The following HPSE2 variants were observed in gnomAD, a reference collection of about 807,000 sequenced individuals.
HPSE2 encodes heparanase 2 (inactive).
A neutral mutation model predicts 60.5 loss-of-function variants in HPSE2; 38 were observed. That is an observed-to-expected ratio of 0.63 (90% confidence interval 0.48 to 0.82). The LOEUF (loss-of-function observed/expected upper bound fraction) is 0.82. Among genes scored for constraint, HPSE2 ranks in the 40% least tolerant of loss-of-function variants. The pLI is 0.00. For synonymous variants in HPSE2, 295 were observed against 293.2 expected, an observed-to-expected ratio of 1.01 and a Z score of -0.06; for missense variants, 713 against 740.4, an observed-to-expected ratio of 0.96 and a Z score of 0.43.
At chr10:98,616,987 G>A (rs1945929452) in intron 8 of HPSE2, among the ~76,000 whole-genome samples, 1 of 152,162 alleles carries the variant, frequency 6.6e-6, no homozygotes, top group African/African-American at 2.4e-5. Context: ...CTCCTAAGTA[G>A]TGTTCTTTCT....
At chr10:98,788,767 C>G (rs1282348443) in intron 3 of HPSE2, among the ~76,000 whole-genome samples, 1 of 151,572 alleles carries the variant, frequency 6.6e-6, no homozygotes, top group Admixed American at 6.6e-5. Context: ...ACCCCTTGCG[C>G]TTCCCAGGTG....
At chr10:99,252,750 G>T in the HPSE2 span, among the ~76,000 whole-genome samples, 1 of 151,902 alleles carries the variant, frequency 6.6e-6, no homozygotes, top group Non-Finnish European at 1.5e-5. Flanking sequence ...GGTGGCGGGC[G>T]CCTGTAGTCC....
At chr10:99,184,819 T>TATATATATATATATATATAG (rs1554912295) in intron 2 of HPSE2, among the ~76,000 whole-genome samples, 1 of 19,866 alleles carries the variant, frequency 5.0e-5, no homozygotes, top group African/African-American at 1.7e-4. Context: ...TATATATATA[T>TATATATATATATATATATAG]AGAGAGAGAG....
At chr10:98,878,755 G>A (rs948395093) in intron 3 of HPSE2, among the ~76,000 whole-genome samples, 14 of 151,844 alleles carry the variant, frequency 9.2e-5, no homozygotes, top group African/African-American at 2.9e-4. Flanking sequence ...ACAAGAGATC[G>A]AATCAATTTT....
intron 3 of HPSE2, among the ~76,000 whole-genome samples, chr10:98,984,018 C>A (rs1022890715): frequency 2.0e-5 from 3 of 152,202 alleles, no homozygotes; most frequent in African/African-American, 7.2e-5. Context: ...GTGGAGCCCA[C>A]GGCAGCTCAA....
At chr10:98,836,681 C>T (rs544704909) in intron 3 of HPSE2, among the ~76,000 whole-genome samples, 4 of 152,164 alleles carry the variant, frequency 2.6e-5, no homozygotes, top group African/African-American at 4.8e-5. Context: ...AAGCCTCAAC[C>T]TTGCTTTAAA....
At chr10:98,683,854 AG>A (rs2134143031) in intron 6 of HPSE2, among the ~76,000 whole-genome samples, 1 of 152,222 alleles carries the variant, frequency 6.6e-6, no homozygotes, top group East Asian at 1.9e-4. Context: ...GAATAAAAAG[AG>A]AGCCAAATAA....
chr10:98,633,430 C>T (rs537501), intron 7 of HPSE2, among the ~76,000 whole-genome samples: 48,549 of 151,794 alleles, frequency 0.32, 8,564 homozygotes, highest in East Asian at 0.44. Context: ...CCCAGGTTGG[C>T]CTCGAACTCC....
At chr10:98,971,418 T>G (rs78733416) in intron 3 of HPSE2, among the ~76,000 whole-genome samples, 19,530 of 152,168 alleles carry the variant, frequency 0.13, 1,353 homozygotes, top group South Asian at 0.21. Flanking sequence ...TTTAATTCTC[T>G]TTGTACCCAT....
chr10:98,556,537 A>G (rs1944013518), intron 9 of HPSE2, among the ~76,000 whole-genome samples: 1 of 152,232 alleles, frequency 6.6e-6, no homozygotes, highest in African/African-American at 2.4e-5. Flanking sequence ...ACCAACAACT[A>G]TGAAGAAAAT....
intron 5 of HPSE2, among the ~76,000 whole-genome samples, chr10:98,718,435 T>A (rs1325031203): frequency 6.6e-6 from 1 of 152,164 alleles, no homozygotes; most frequent in Non-Finnish European, 1.5e-5. Flanking sequence ...ATCCCACCTA[T>A]GGGTATGTAT....
At chr10:98,542,861 C>T (rs1337319901) in intron 9 of HPSE2, among the ~76,000 whole-genome samples, 1 of 152,136 alleles carries the variant, frequency 6.6e-6, no homozygotes, top group Non-Finnish European at 1.5e-5. Context: ...ATTGGTGTAC[C>T]TGAAAGTGAC....
At chr10:99,141,233 C>T (rs1031540067) in intron 3 of HPSE2, among the ~76,000 whole-genome samples, 8 of 152,136 alleles carry the variant, frequency 5.3e-5, no homozygotes. Context: ...AATAACAACA[C>T]TCTCCAGCTC....
intron 3 of HPSE2, among the ~76,000 whole-genome samples, chr10:99,054,747 G>A (rs913215854): frequency 1.3e-5 from 2 of 152,186 alleles, no homozygotes; most frequent in Non-Finnish European, 1.5e-5. Context: ...GTCTCGCACT[G>A]TGGCCCAGGC....
At chr10:98,848,432 A>T (rs1189645399) in intron 3 of HPSE2, among the ~76,000 whole-genome samples, 2 of 151,928 alleles carry the variant, frequency 1.3e-5, no homozygotes, top group South Asian at 2.1e-4. Flanking sequence ...AAAAAAAATT[A>T]AAAAAATAAG....
At chr10:99,211,225 C>T (rs550108420) in intron 2 of HPSE2, among the ~76,000 whole-genome samples, 1 of 150,970 alleles carries the variant, frequency 6.6e-6, no homozygotes, top group Non-Finnish European at 1.5e-5. Flanking sequence ...AAGACTCGTA[C>T]ACATAAGAGC....
At chr10:98,670,617 C>T (rs997876271) in intron 6 of HPSE2, among the ~76,000 whole-genome samples, 1 of 152,216 alleles carries the variant, frequency 6.6e-6, no homozygotes, top group Non-Finnish European at 1.5e-5. Context: ...AGACAGGCAG[C>T]CCGGCGCCAG....
At chr10:99,037,434 T>A (rs1003020769) in intron 3 of HPSE2, among the ~76,000 whole-genome samples, 1 of 152,100 alleles carries the variant, frequency 6.6e-6, no homozygotes, top group Non-Finnish European at 1.5e-5. Flanking sequence ...TCTTAGCAAC[T>A]CTAAGTATAA....
At chr10:98,676,764 G>T (rs544161562) in intron 6 of HPSE2, among the ~76,000 whole-genome samples, 31 of 150,770 alleles carry the variant, frequency 2.1e-4, no homozygotes, top group African/African-American at 7.5e-4. Context: ...AAGGGAGTTA[G>T]ACAGAGAGTA....
Sources: allele counts gnomAD v4.1 joint callset (sites outside exome capture counted in the v4.1 genomes callset), GRCh38; gene constraint gnomAD v4.1.1; transcripts MANE v1.5; gene names NCBI Gene and HGNC (gene_info 2026-07-23, HGNC 2026-07-21).